SDC4: variants seen among roughly 807,000 people sequenced by gnomAD.
SDC4 encodes syndecan-4.
A neutral mutation model predicts 20.5 loss-of-function variants in SDC4; 17 were observed. That is an observed-to-expected ratio of 0.83 (90% confidence interval 0.57 to 1.25). The LOEUF is 1.25. Among genes scored for constraint, SDC4 ranks in the 50% most tolerant of loss-of-function variants. SDC4 has a pLI of 0.00. For synonymous variants in SDC4, 107 were observed against 105.3 expected, an observed-to-expected ratio of 1.02 and a Z score of -0.10; for missense variants, 241 against 252.3, an observed-to-expected ratio of 0.96 and a Z score of 0.30.
At chr20:45,344,304 G>A (rs548718712) in intron 1 of SDC4, among the ~76,000 whole-genome samples, 9 of 151,994 alleles carry the variant, frequency 5.9e-5, no homozygotes, top group East Asian at 1.9e-4. Context: ...CTCGAGCCCC[G>A]GACACTGAAA....
intron 4 of SDC4, among the ~76,000 whole-genome samples, chr20:45,328,682 C>G (rs1183697862): frequency 6.6e-6 from 1 of 152,100 alleles, no homozygotes. Flanking sequence ...AGATTGAGTT[C>G]CCTAATTCGG....
In SDC4 at chr20:45,333,089, G is replaced by C; in HGVS notation, c.200-20C>G. ...AGTCATCTGTAAGGTCAGAATAGCT[G>C]TGTGAGTGAGGTCCATTACCCCAGG... On this transcript the variant is annotated intron_variant, in intron 2 of 4. Transcript: ENST00000372733. The C allele has an allele frequency of 6.2e-7, 1 of 1,613,392 alleles. No homozygotes were observed. The highest frequency in any genetic ancestry group is 1.1e-5 in the South Asian group (1 of 91,066).
chr20:45,325,496 C>G lies in SDC4; in HGVS notation c.*1768G>C, dbSNP rs893936015. On this transcript the variant is annotated 3_prime_UTR_variant, in exon 5 of 5. Coordinates refer to ENST00000372733, the MANE Select transcript of SDC4 (RefSeq NM_002999.4). ...CTGGTGCAGCAAGGGAGGGTGGTTC[C>G]CCTCACCGCAGCCACTGGGGTCAGG... The G allele has an allele frequency of 6.6e-6, 1 of 152,488 alleles. No individual in the cohort carries two copies. Among genetic ancestry groups the G allele is most frequent in the Admixed American group, 6.5e-5 (1 of 15,270 alleles). 9.4% of individuals were successfully genotyped at this position (152,488 alleles called of 1,614,324 possible). A position where few individuals can be genotyped will look rare whatever the true frequency, so the allele number is the denominator to read the frequency against.
At chr20:45,336,338 G>A (rs541093373) in intron 1 of SDC4, among the ~76,000 whole-genome samples, 17 of 152,308 alleles carry the variant, frequency 1.1e-4, no homozygotes, top group Non-Finnish European at 1.8e-4. Context: ...GCTTGAACCC[G>A]GGAGGCGGAG....
rs1349639053 is a variant in SDC4, at chr20:45,327,235, A to C, written c.*29T>G. 1 of 1,612,460 alleles carries C rather than the reference A, an allele frequency of 6.2e-7. No individual in the cohort carries two copies. The highest frequency in any genetic ancestry group is 8.5e-7 in the Non-Finnish European group (1 of 1,178,876). On this transcript the variant is annotated 3_prime_UTR_variant, in exon 5 of 5. Coordinates refer to ENST00000372733, the MANE Select transcript of SDC4 (RefSeq NM_002999.4). ...AATCCCCTGGCTTCCCTCCCCGCTA[A>C]AGTCCAAGCCAGTGCCCACAAGCAA...
chr20:45,327,446 T>A lies in SDC4; in HGVS notation c.446-31A>T, dbSNP rs756145242. On this transcript the variant is annotated intron_variant, in intron 4 of 4. Coordinates refer to ENST00000372733, the MANE Select transcript of SDC4 (RefSeq NM_002999.4). Reference sequence around the variant, plus strand: ...GAGGAGGAGAGAGAAGAGGCGGGGGTGAGAGCTCCTCATCAGGACCTAAGG... The same window carrying A: ...GAGGAGGAGAGAGAAGAGGCGGGGGAGAGAGCTCCTCATCAGGACCTAAGG... 3.7e-6 allele frequency: 6 copies of A among 1,602,176 alleles called. No individual in the cohort carries two copies. In the South Asian group the frequency reaches 6.6e-5, roughly 18 times the overall value.
At chr20:45,332,879 G>T (rs1037600885) in intron 3 of SDC4, 144 bp downstream of exon 3, 1 of 739,218 alleles carries the variant, frequency 1.4e-6, no homozygotes, top group Non-Finnish European at 2.2e-6. Context: ...GCCCACCCCA[G>T]GGCCAGATTT....
At chr20:45,338,448 G>C (rs908419266) in intron 1 of SDC4, among the ~76,000 whole-genome samples, 1 of 152,178 alleles carries the variant, frequency 6.6e-6, no homozygotes, top group Non-Finnish European at 1.5e-5. Context: ...AACAGGGGCT[G>C]TAGTTCCATC....
intron 1 of SDC4, among the ~76,000 whole-genome samples, chr20:45,342,228 G>T (rs116865451): frequency 1.3e-5 from 2 of 152,258 alleles, no homozygotes; most frequent in Non-Finnish European, 2.9e-5. Context: ...ATCAGCCCTG[G>T]GTGCTGGCTT....
chr20:45,327,779 G>A (rs1311769120), intron 4 of SDC4, among the ~76,000 whole-genome samples: 1 of 152,192 alleles, frequency 6.6e-6, no homozygotes, highest in Non-Finnish European at 1.5e-5. Context: ...GAGTAGCTGG[G>A]ATTATAGGCA....
At chr20:45,344,768 G>C (rs1271162481) in intron 1 of SDC4, among the ~76,000 whole-genome samples, 1 of 152,140 alleles carries the variant, frequency 6.6e-6, no homozygotes, top group East Asian at 1.9e-4. Context: ...CTCATCAATG[G>C]GCTCTCTGGG....
chr20:45,348,268 GAGGCACCGGCC>G (rs1358793152), intron 1 of SDC4, 46 bp downstream of exon 1: 90 of 1,396,328 alleles, frequency 6.4e-5, no homozygotes, highest in Middle Eastern at 5.4e-4. Flanking sequence ...ACGAACAAAG[GAGGCACCGGCC>G]TGCGCCCCCG....
Position 45,325,539 on chromosome 20 carries a change from C to T in SDC4, c.*1725G>A, listed in dbSNP as rs1454641706. On this transcript the variant is annotated 3_prime_UTR_variant, in exon 5 of 5. Transcript: ENST00000372733. The stretch of plus-strand genomic sequence containing the variant: ...GGGTCAGGAGGAGACACGACCTGCC[C>T]AGGCTAAGCCACCAGGCCTCCCCTC... 1 of 152,526 alleles carries T rather than the reference C, an allele frequency of 6.6e-6. No individual in the cohort carries two copies. Among genetic ancestry groups the T allele is most frequent in the Non-Finnish European group, 1.5e-5 (1 of 68,016 alleles). 9.4% of individuals were successfully genotyped at this position (152,526 alleles called of 1,614,324 possible). A position where few individuals can be genotyped will look rare whatever the true frequency, so the allele number is the denominator to read the frequency against.
At position 45,330,609 on chromosome 20, in the gene SDC4, G is replaced by T. The variant is rs550192600; in HGVS notation, c.247-45C>A. ...AAGAGACACTCAGCGTATTTTGGAA[G>T]AGACTCAGGGCAGGGGACAGGGACA... On this transcript the variant is annotated intron_variant, in intron 3 of 4. Coordinates refer to ENST00000372733, the MANE Select transcript of SDC4 (RefSeq NM_002999.4). The T allele has an allele frequency of 1.1e-4, 176 of 1,557,512 alleles. 4 individuals are homozygous for T. In the South Asian group the frequency reaches 1.9e-3, roughly 17 times the overall value.
intron 1 of SDC4, among the ~76,000 whole-genome samples, chr20:45,343,115 C>A (rs559024921): frequency 6.6e-5 from 10 of 152,226 alleles, no homozygotes; most frequent in East Asian, 1.9e-4. Context: ...GCAGATGGGA[C>A]CAGAGAGGCC....
intron 3 of SDC4, 70 bp from the exon 4 acceptor site, chr20:45,330,634 A>G: frequency 7.4e-7 from 1 of 1,354,140 alleles, no homozygotes; most frequent in Non-Finnish European, 1.0e-6. Context: ...GGACAGGGAC[A>G]TTCAGCCAGG....
intron 1 of SDC4, among the ~76,000 whole-genome samples, chr20:45,338,541 C>G (rs1043608946): frequency 2.0e-5 from 3 of 152,204 alleles, no homozygotes; most frequent in African/African-American, 7.2e-5. Context: ...TGCATCCAGC[C>G]TCTCTTTCAG....
intron 1 of SDC4, among the ~76,000 whole-genome samples, chr20:45,342,720 T>G (rs916231044): frequency 6.6e-6 from 1 of 152,062 alleles, no homozygotes; most frequent in Non-Finnish European, 1.5e-5. Context: ...GAAGGATGGC[T>G]GTAGAAAGGT....
At chr20:45,340,514 C>G (rs1212066736) in intron 1 of SDC4, among the ~76,000 whole-genome samples, 1 of 152,272 alleles carries the variant, frequency 6.6e-6, no homozygotes, top group East Asian at 1.9e-4. Context: ...AACACACTGG[C>G]TGGGCCAGGG....
Sources: allele counts gnomAD v4.1 joint callset (sites outside exome capture counted in the v4.1 genomes callset), GRCh38; gene constraint gnomAD v4.1.1; transcripts MANE v1.5; gene names NCBI Gene and HGNC (gene_info 2026-07-23, HGNC 2026-07-21).